STPG2: variants seen among roughly 807,000 people sequenced by gnomAD.
STPG2 encodes the protein sperm-tail PG-rich repeat-containing protein 2.
STPG2 carries 56 observed loss-of-function variants against 54.2 expected under a neutral mutation model. The observed-to-expected ratio is 1.03, with a 90% CI of 0.83 to 1.29. The LOEUF (loss-of-function observed/expected upper bound fraction) is 1.29. Ranked by LOEUF, STPG2 falls within the 50% of genes most tolerant of loss-of-function variation. STPG2 has a pLI of 0.00. For synonymous variants in STPG2, 200 were observed against 181.8 expected (o/e 1.10, Z -0.81); for missense variants, 596 against 544.9 (o/e 1.09, Z -0.93).
intron 4 of STPG2, among the ~76,000 whole-genome samples, chr4:97,456,452 C>T (rs1729521031): frequency 1.3e-5 from 2 of 152,124 alleles, no homozygotes; most frequent in Non-Finnish European, 2.9e-5. Context: ...AGTTACCTCC[C>T]ACCAAGCACC....
chr4:97,898,447 G>A (rs1013678294), intron 8 of STPG2, among the ~76,000 whole-genome samples: 2 of 150,658 alleles, frequency 1.3e-5, no homozygotes, highest in Admixed American at 6.7e-5. Context: ...TGAACTTCTA[G>A]ATTTTTTTTC....
At chr4:97,756,799 C>T (rs1298443825) in intron 9 of STPG2, among the ~76,000 whole-genome samples, 1 of 151,906 alleles carries the variant, frequency 6.6e-6, no homozygotes, top group Non-Finnish European at 1.5e-5. Context: ...AAACTGATTG[C>T]AGGCCACTGA....
intron 9 of STPG2, among the ~76,000 whole-genome samples, chr4:97,756,359 T>C (rs1214947133): frequency 6.6e-6 from 1 of 152,212 alleles, no homozygotes; most frequent in Non-Finnish European, 1.5e-5. Flanking sequence ...CTTGCTCTTG[T>C]TGCCCAAGCT....
At chr4:97,615,251 T>C (rs1733830217) in intron 10 of STPG2, among the ~76,000 whole-genome samples, 1 of 152,170 alleles carries the variant, frequency 6.6e-6, no homozygotes. Context: ...TCAGACATAT[T>C]AAAACAAGTT....
At chr4:97,874,062 G>C (rs1730088713) in intron 8 of STPG2, among the ~76,000 whole-genome samples, 1 of 151,412 alleles carries the variant, frequency 6.6e-6, no homozygotes, top group African/African-American at 2.4e-5. Flanking sequence ...CATTAATATA[G>C]CCTCTTTTGC....
chr4:97,864,292 T>C (rs1044013171), intron 8 of STPG2, among the ~76,000 whole-genome samples: 24 of 106,126 alleles, frequency 2.3e-4, no homozygotes, highest in Admixed American at 4.1e-4. Flanking sequence ...CAAGCATTCT[T>C]AGACACCAAT....
intron 9 of STPG2, among the ~76,000 whole-genome samples, chr4:97,821,355 C>A (rs1218246820): frequency 6.6e-6 from 1 of 152,184 alleles, no homozygotes; most frequent in Non-Finnish European, 1.5e-5. Flanking sequence ...GGCAACTCTG[C>A]CCCTGTGTCT....
At chr4:98,104,223 C>T (rs1028809366) in intron 5 of STPG2, among the ~76,000 whole-genome samples, 14 of 152,064 alleles carry the variant, frequency 9.2e-5, no homozygotes, top group Admixed American at 7.2e-4. Context: ...GGAGAAACTA[C>T]CATTTAGCAT....
chr4:97,545,387 GGA>G (rs1179019634), intron 4 of STPG2, among the ~76,000 whole-genome samples: 2 of 152,098 alleles, frequency 1.3e-5, no homozygotes, highest in African/African-American at 2.4e-5. Flanking sequence ...CAGAGTCCCA[GGA>G]GCTTTTCACT....
intron 10 of STPG2, among the ~76,000 whole-genome samples, chr4:97,653,484 A>T (rs1468456645): frequency 6.6e-6 from 1 of 152,038 alleles, no homozygotes; most frequent in African/African-American, 2.4e-5. Context: ...AAGTGCTAAA[A>T]GGCATCAAAA....
chr4:97,618,642 G>A (rs1240966286), intron 10 of STPG2, among the ~76,000 whole-genome samples: 4 of 152,136 alleles, frequency 2.6e-5, no homozygotes, highest in Admixed American at 6.6e-5. Context: ...AGTGACCTGT[G>A]TATAAATACA....
chr4:98,029,200 TC>T (rs1396700793), intron 5 of STPG2, among the ~76,000 whole-genome samples: 1 of 152,116 alleles, frequency 6.6e-6, no homozygotes, highest in Non-Finnish European at 1.5e-5. Context: ...GCTTATTAGG[TC>T]ACACTTGGCT....
intron 10 of STPG2, among the ~76,000 whole-genome samples, chr4:97,693,023 G>A (rs970867136): frequency 1.1e-4 from 16 of 151,648 alleles, no homozygotes; most frequent in Non-Finnish European, 1.9e-4. Context: ...TACTAAGCCA[G>A]CACTACAAGA....
At chr4:98,072,987 T>C (rs1232843125) in intron 5 of STPG2, among the ~76,000 whole-genome samples, 3 of 152,174 alleles carry the variant, frequency 2.0e-5, no homozygotes, top group Non-Finnish European at 2.9e-5. Flanking sequence ...AAAAGACTGT[T>C]GTGAAGAATG....
intron 8 of STPG2, among the ~76,000 whole-genome samples, chr4:97,869,784 G>A (rs1379427365): frequency 1.3e-5 from 2 of 151,630 alleles, no homozygotes; most frequent in East Asian, 3.9e-4. Flanking sequence ...GTAATTTCCT[G>A]AGAGTATTTC....
chr4:97,681,179 A>T (rs1178684952), intron 10 of STPG2, among the ~76,000 whole-genome samples: 3 of 151,930 alleles, frequency 2.0e-5, no homozygotes, highest in Non-Finnish European at 4.4e-5. Context: ...AAATTTTTTT[A>T]AAAGTGAAAG....
intron 4 of STPG2, among the ~76,000 whole-genome samples, chr4:97,547,214 T>G (rs1486252724): frequency 2.1e-5 from 3 of 145,830 alleles, no homozygotes; most frequent in Non-Finnish European, 4.6e-5. Context: ...ACGAGAAACT[T>G]TTTTTTTTTT....
chr4:97,930,379 T>C (rs1017359085), intron 8 of STPG2, among the ~76,000 whole-genome samples: 2 of 152,192 alleles, frequency 1.3e-5, no homozygotes, highest in Non-Finnish European at 2.9e-5. Flanking sequence ...GGGTCCAGCT[T>C]CATTCTTCTG....
rs181983878 is a variant in STPG2 at position 97,807,220 on chromosome 4, A to C, written c.1204+33553T>G. Among the ~76,000 whole-genome samples the C allele has an allele frequency of 2.3e-3, 343 of 151,674 alleles. 1 individual carries two copies. The highest frequency in any genetic ancestry group is 3.4e-3 in the Non-Finnish European group (228 of 67,808). On this transcript the variant is annotated intron_variant, in intron 9 of 10. Coordinates refer to ENST00000295268, the MANE Select transcript of STPG2 (RefSeq NM_174952.3). ...TCACCAATTTTGCTTTCATTCTCAA[A>C]ATGCCTTAATTCCTTTAATATGTTT...
Sources: allele counts gnomAD v4.1 joint callset (sites outside exome capture counted in the v4.1 genomes callset), GRCh38; gene constraint gnomAD v4.1.1; transcripts MANE v1.5; gene names NCBI Gene and HGNC (gene_info 2026-07-23, HGNC 2026-07-21).